KAZN: variants seen among roughly 807,000 people sequenced by gnomAD.
KAZN encodes the protein kazrin.
A neutral mutation model predicts 87.4 loss-of-function variants in KAZN; 40 were observed. The observed-to-expected ratio is 0.46, with a 90% CI of 0.36 to 0.60. The LOEUF (loss-of-function observed/expected upper bound fraction) is 0.60. Among genes scored for constraint, KAZN ranks in the 20% least tolerant of loss-of-function variants. The pLI is 0.00. For synonymous variants in KAZN, 466 were observed against 458.3 expected, an observed-to-expected ratio of 1.02 and a Z score of -0.22; for missense variants, 898 against 1,073.9, an observed-to-expected ratio of 0.84 and a Z score of 2.29.
At chr1:14,164,767 A>G (rs2157562) in intron 1 of KAZN, among the ~76,000 whole-genome samples, 22,010 of 151,834 alleles carry the variant, frequency 0.14, 1,760 homozygotes, top group East Asian at 0.33. Context: ...CCCAAATCCT[A>G]ACCTCAGGTG....
intron 8 of KAZN, among the ~76,000 whole-genome samples, chr1:15,079,286 G>T (rs1639894330): frequency 6.6e-6 from 1 of 152,288 alleles, no homozygotes; most frequent in South Asian, 2.1e-4. Flanking sequence ...AGGAGGAACT[G>T]CTTGCCAGGG....
At chr1:14,906,771 T>TG (rs765697481) in intron 1 of KAZN, among the ~76,000 whole-genome samples, 2 of 146,312 alleles carry the variant, frequency 1.4e-5, no homozygotes, top group Admixed American at 1.4e-4. Flanking sequence ...TGAGGGGAGG[T>TG]GGGGGAAAAA....
chr1:14,925,662 C>G (rs1428516485), intron 1 of KAZN, among the ~76,000 whole-genome samples: 1 of 152,214 alleles, frequency 6.6e-6, no homozygotes, highest in African/African-American at 2.4e-5. Flanking sequence ...AGCAAGCTCA[C>G]TAGCTGGGGA....
chr1:14,609,253 T>C (rs1457548945), intron 1 of KAZN, among the ~76,000 whole-genome samples: 1 of 152,198 alleles, frequency 6.6e-6, no homozygotes, highest in Non-Finnish European at 1.5e-5. Flanking sequence ...TTGGGTGCCA[T>C]TTTGTGTGGA....
intron 8 of KAZN, among the ~76,000 whole-genome samples, chr1:15,088,430 C>T (rs542648250): frequency 6.6e-6 from 1 of 152,170 alleles, no homozygotes; most frequent in East Asian, 1.9e-4. Context: ...GATGCACAGC[C>T]TCTCGTTCCA....
intron 1 of KAZN, among the ~76,000 whole-genome samples, chr1:14,757,900 G>A (rs1048609396): frequency 6.6e-6 from 1 of 152,126 alleles, no homozygotes; most frequent in Non-Finnish European, 1.5e-5. Context: ...AGGAAGAGAA[G>A]GGAGGGAGGA....
At chr1:14,387,557 T>C (rs1213909890) in intron 2 of KAZN, among the ~76,000 whole-genome samples, 4 of 152,282 alleles carry the variant, frequency 2.6e-5, no homozygotes, top group Non-Finnish European at 1.5e-5. Context: ...TGCAGGTCTG[T>C]TGGAGTACCC....
chr1:14,334,019 T>C (rs1657039774), intron 2 of KAZN, among the ~76,000 whole-genome samples: 2 of 151,528 alleles, frequency 1.3e-5, no homozygotes, highest in South Asian at 2.1e-4. Context: ...AGCCAGGTCA[T>C]AAAGGAGGCA....
intron 1 of KAZN, among the ~76,000 whole-genome samples, chr1:14,943,943 G>A (rs570946038): frequency 9.1e-4 from 139 of 152,216 alleles, no homozygotes; most frequent in Non-Finnish European, 1.6e-3. Flanking sequence ...GCGTGGTGGC[G>A]CATGCCTGTA....
At chr1:14,272,848 A>G (rs1652057937) in intron 2 of KAZN, among the ~76,000 whole-genome samples, 2 of 152,130 alleles carry the variant, frequency 1.3e-5, no homozygotes, top group Admixed American at 6.6e-5. Context: ...ACAGTGCAAG[A>G]CTCAGTCTCA....
intron 2 of KAZN, among the ~76,000 whole-genome samples, chr1:14,437,434 C>T (rs1666458375): frequency 6.6e-6 from 1 of 152,182 alleles, no homozygotes; most frequent in Non-Finnish European, 1.5e-5. Context: ...AGAAATGATG[C>T]TTTATGCTGG....
chr1:14,104,271 C>T (rs542818393), intron 1 of KAZN, among the ~76,000 whole-genome samples: 7 of 152,288 alleles, frequency 4.6e-5, no homozygotes, highest in African/African-American at 9.6e-5. Context: ...GGTCTCCTGG[C>T]GCTGGAGGAG....
intron 2 of KAZN, among the ~76,000 whole-genome samples, chr1:14,282,153 G>C (rs1342066893): frequency 6.6e-6 from 1 of 152,016 alleles, no homozygotes; most frequent in Non-Finnish European, 1.5e-5. Context: ...TGTATACTAC[G>C]GGCTGTTTCT....
intron 2 of KAZN, among the ~76,000 whole-genome samples, chr1:14,569,392 G>A (rs933763674): frequency 3.6e-5 from 5 of 139,396 alleles, no homozygotes; most frequent in East Asian, 2.2e-4. Flanking sequence ...GCGAGATCTC[G>A]GCTCACTGCA....
intron 2 of KAZN, among the ~76,000 whole-genome samples, chr1:14,362,143 C>T (rs1181395630): frequency 6.6e-6 from 1 of 152,182 alleles, no homozygotes; most frequent in African/African-American, 2.4e-5. Context: ...TGTGGGTCTG[C>T]TGTCCAGGCA....
At chr1:13,940,721 G>A (rs999182871) in intron 1 of KAZN, among the ~76,000 whole-genome samples, 1 of 152,108 alleles carries the variant, frequency 6.6e-6, no homozygotes. Flanking sequence ...GTAGTACCTT[G>A]TATATGATTG....
At chr1:14,202,035 C>T in intron 2 of KAZN, among the ~76,000 whole-genome samples, 1 of 152,296 alleles carries the variant, frequency 6.6e-6, no homozygotes, top group South Asian at 2.1e-4. Context: ...ATGCCAGATT[C>T]TGTGTAATCA....
chr1:14,371,381 A>G (rs1660471613), intron 2 of KAZN, among the ~76,000 whole-genome samples: 1 of 152,206 alleles, frequency 6.6e-6, no homozygotes, highest in Non-Finnish European at 1.5e-5. Flanking sequence ...ATTTCACACA[A>G]TGGAGACCAT....
At chr1:14,364,747 C>A (rs1312528935) in intron 2 of KAZN, among the ~76,000 whole-genome samples, 1 of 152,220 alleles carries the variant, frequency 6.6e-6, no homozygotes, top group Admixed American at 6.5e-5. Flanking sequence ...TCGTCAGGGA[C>A]ATGCTTCATC....
Sources: gnomAD v4.1 joint callset for allele counts (sites outside exome capture counted in the v4.1 genomes callset) on GRCh38, gnomAD v4.1.1 for gene constraint, MANE v1.5 for transcripts, NCBI Gene and HGNC (gene_info 2026-07-23, HGNC 2026-07-21) for gene names.